Variants in MYO16 observed in about 807,000 individuals in gnomAD.
The protein encoded by MYO16 is myosin XVI.
MYO16 carries 94 observed loss-of-function variants against 205.3 expected under a neutral mutation model. The ratio of observed to expected loss-of-function variants is 0.46; its 90% confidence interval spans 0.39 to 0.54. The LOEUF is 0.54. Ranked by LOEUF, MYO16 falls within the 20% of genes least tolerant of loss-of-function variation. MYO16 has a pLI of 0.00. For synonymous variants in MYO16, 988 were observed against 954.0 expected (o/e 1.04, Z -0.66); for missense variants, 2,315 against 2,387.5 (o/e 0.97, Z 0.63).
chr13:108,950,234 A>T (rs181820303), intron 16 of MYO16, among the ~76,000 whole-genome samples: 9 of 149,866 alleles, frequency 6.0e-5, no homozygotes, highest in African/African-American at 1.7e-4. Flanking sequence ...AGACTTCATT[A>T]AAAATATCAG....
chr13:108,735,136 A>C (rs1884646892), intron 4 of MYO16, among the ~76,000 whole-genome samples: 1 of 152,118 alleles, frequency 6.6e-6, no homozygotes, highest in African/African-American at 2.4e-5. Flanking sequence ...ATTATACTTT[A>C]AGTTCTAGGG....
At chr13:108,783,347 C>T (rs1886363685) in intron 4 of MYO16, among the ~76,000 whole-genome samples, 1 of 152,182 alleles carries the variant, frequency 6.6e-6, no homozygotes, top group South Asian at 2.1e-4. Context: ...TGACCAATTT[C>T]TCCCATTTCG....
intron 5 of MYO16, among the ~76,000 whole-genome samples, chr13:108,793,158 C>A (rs112547523): frequency 6.6e-6 from 1 of 151,560 alleles, no homozygotes; most frequent in African/African-American, 2.4e-5. Flanking sequence ...CAGTGGCGGG[C>A]GCCTGTAGTC....
chr13:108,677,872 T>C (rs1882299460), intron 2 of MYO16, among the ~76,000 whole-genome samples: 1 of 152,230 alleles, frequency 6.6e-6, no homozygotes, highest in African/African-American at 2.4e-5. Flanking sequence ...TTTTAGACAG[T>C]ATTGCCATAG....
chr13:109,128,022 T>G (rs1215645787), intron 31 of MYO16, among the ~76,000 whole-genome samples: 1 of 152,216 alleles, frequency 6.6e-6, no homozygotes, highest in Non-Finnish European at 1.5e-5. Context: ...TTATAAAAGT[T>G]TCTGCATCCA....
chr13:108,502,718 G>A, the MYO16 span, among the ~76,000 whole-genome samples: 1 of 152,088 alleles, frequency 6.6e-6, no homozygotes, highest in African/African-American at 2.4e-5. Context: ...GCTTACTAAT[G>A]TTTTTCTAAT....
intron 20 of MYO16, among the ~76,000 whole-genome samples, chr13:108,990,311 G>T (rs1398932590): frequency 6.6e-6 from 1 of 152,214 alleles, no homozygotes; most frequent in East Asian, 1.9e-4. Flanking sequence ...CATGGATGCT[G>T]GATGGTGAAC....
chr13:108,944,636 G>C (rs1035498436), intron 16 of MYO16, among the ~76,000 whole-genome samples: 1 of 152,122 alleles, frequency 6.6e-6, no homozygotes, highest in Non-Finnish European at 1.5e-5. Flanking sequence ...AAATTGGGTG[G>C]AAAGATAGTA....
chr13:108,708,857 T>C (rs1247742431), intron 2 of MYO16, among the ~76,000 whole-genome samples: 2 of 152,224 alleles, frequency 1.3e-5, no homozygotes, highest in African/African-American at 2.4e-5. Flanking sequence ...TTGGTTATTG[T>C]TGGTGATGGT....
At chr13:108,738,951 G>A (rs1460559134) in intron 4 of MYO16, among the ~76,000 whole-genome samples, 1 of 152,106 alleles carries the variant, frequency 6.6e-6, no homozygotes, top group African/African-American at 2.4e-5. Context: ...CAGAGACTAG[G>A]ATTGCAACCC....
intron 15 of MYO16, 97 bp from the exon 16 acceptor site, chr13:108,909,906 A>G: frequency 7.9e-7 from 1 of 1,272,872 alleles, no homozygotes; most frequent in South Asian, 1.5e-5. Flanking sequence ...AGAACTCAAC[A>G]GTCCTTGTAT....
chr13:108,657,334 C>G (rs562401657), intron 1 of MYO16, among the ~76,000 whole-genome samples: 2 of 151,976 alleles, frequency 1.3e-5, no homozygotes, highest in Non-Finnish European at 2.9e-5. Flanking sequence ...TAGGAAATGT[C>G]GAAGAGAGAA....
intron 23 of MYO16, among the ~76,000 whole-genome samples, chr13:109,032,964 A>G (rs1886590961): frequency 6.6e-6 from 1 of 152,224 alleles, no homozygotes; most frequent in African/African-American, 2.4e-5. Context: ...ATTACATATA[A>G]TTCTCTAATT....
the MYO16 span, among the ~76,000 whole-genome samples, chr13:108,497,036 T>C: frequency 6.6e-6 from 1 of 152,170 alleles, no homozygotes; most frequent in Non-Finnish European, 1.5e-5. Flanking sequence ...CACGCGTTTG[T>C]CATGTGTTCT....
chr13:109,137,534 A>G (rs901275274), intron 31 of MYO16, among the ~76,000 whole-genome samples: 2 of 152,344 alleles, frequency 1.3e-5, no homozygotes, highest in Non-Finnish European at 2.9e-5. Context: ...ATTGAAAGTA[A>G]CTGGAATAAT....
At chr13:109,203,985 A>C (rs1287599496) in intron 34 of MYO16, among the ~76,000 whole-genome samples, 1 of 152,138 alleles carries the variant, frequency 6.6e-6, no homozygotes, top group Admixed American at 6.6e-5. Context: ...TTCCAGAAAA[A>C]ACTCTCTGGA....
intron 31 of MYO16, among the ~76,000 whole-genome samples, chr13:109,135,364 G>A (rs1876724785): frequency 6.6e-6 from 1 of 152,202 alleles, no homozygotes; most frequent in Admixed American, 6.5e-5. Context: ...ATTTTCCGTA[G>A]CTCTTAGGTC....
chr13:108,778,088 A>G (rs1274493374), intron 4 of MYO16, among the ~76,000 whole-genome samples: 1 of 152,210 alleles, frequency 6.6e-6, no homozygotes, highest in Non-Finnish European at 1.5e-5. Context: ...CCTCCTGCAG[A>G]GTCCTAATAT....
intron 23 of MYO16, among the ~76,000 whole-genome samples, chr13:109,041,721 T>C (rs1172533879): frequency 6.6e-6 from 1 of 152,212 alleles, no homozygotes; most frequent in Non-Finnish European, 1.5e-5. Flanking sequence ...TTTATCTGTA[T>C]CATTTCTTAC....
Sources: gnomAD v4.1 joint callset for allele counts (sites outside exome capture counted in the v4.1 genomes callset) on GRCh38, gnomAD v4.1.1 for gene constraint, MANE v1.5 for transcripts, NCBI Gene and HGNC (gene_info 2026-07-23, HGNC 2026-07-21) for gene names.